TRAPPC9: variants seen among roughly 807,000 people sequenced by gnomAD.
TRAPPC9 encodes trafficking protein particle complex subunit 9, also known as IKK2 binding protein.
Under a neutral mutation model 124.0 loss-of-function variants are expected in TRAPPC9, and 83 were observed. That is an observed-to-expected ratio of 0.67 (90% CI 0.56 to 0.80). The LOEUF is 0.80. Ranked by LOEUF, TRAPPC9 falls within the 30% of genes least tolerant of loss-of-function variation. TRAPPC9 has a pLI of 0.00. For synonymous variants in TRAPPC9, 638 were observed against 617.5 expected (o/e 1.03, Z -0.49); for missense variants, 1,302 against 1,508.3 (o/e 0.86, Z 2.27).
chr8:139,923,200 C>A (rs1832614351), intron 19 of TRAPPC9, among the ~76,000 whole-genome samples: 1 of 151,780 alleles, frequency 6.6e-6, no homozygotes, highest in African/African-American at 2.4e-5. Flanking sequence ...ATAATCATCT[C>A]CCCGCTAAGT....
At chr8:139,985,562 G>A (rs746551342) in intron 19 of TRAPPC9, among the ~76,000 whole-genome samples, 5 of 152,158 alleles carry the variant, frequency 3.3e-5, no homozygotes, top group African/African-American at 4.8e-5. Context: ...AGCCCCACGC[G>A]CATACCCACA....
chr8:139,737,130 G>A (rs1249949305), intron 21 of TRAPPC9, among the ~76,000 whole-genome samples: 1 of 152,220 alleles, frequency 6.6e-6, no homozygotes, highest in Non-Finnish European at 1.5e-5. Flanking sequence ...CCCCGTCTGT[G>A]GCCCGCGCAG....
At chr8:139,901,333 G>A (rs1831006749) in intron 20 of TRAPPC9, among the ~76,000 whole-genome samples, 1 of 152,246 alleles carries the variant, frequency 6.6e-6, no homozygotes, top group Admixed American at 6.5e-5. Flanking sequence ...TACACTAATG[G>A]AAAGACTGCT....
At position 139,792,406 on chromosome 8, in the gene TRAPPC9, G is replaced by A. The variant is rs557646032; in HGVS notation, c.3056-60204C>T. Among the ~76,000 whole-genome samples, 21 of 152,352 alleles carry A rather than the reference G, an allele frequency of 1.4e-4. No homozygotes were observed. In the East Asian group the frequency reaches 1.7e-3, roughly 13 times the overall value. On this transcript the variant is annotated intron_variant, in intron 21 of 22. Transcript: ENST00000438773. ...AAAGAGCAGTCTGTGTGTGCCACAC[G>A]CGTGTGCGCGTGTGTGCGTGGGCCT...
chr8:140,236,079 C>CT (rs765201850), intron 16 of TRAPPC9, among the ~76,000 whole-genome samples: 8,379 of 111,672 alleles, frequency 0.075, 404 homozygotes, highest in African/African-American at 0.13. Context: ...ACTGTATTTC[C>CT]TTTTTTTTTT....
chr8:140,443,739 A>G (rs1232493160), intron 2 of TRAPPC9, among the ~76,000 whole-genome samples: 4 of 152,122 alleles, frequency 2.6e-5, no homozygotes, highest in Non-Finnish European at 4.4e-5. Flanking sequence ...TGTCTCTACT[A>G]AAAATACTAA....
rs182216572 is a variant in TRAPPC9, at chr8:139,856,414, T to G, written c.3055+29465A>C. On this transcript the variant is annotated intron_variant, in intron 21 of 22. Transcript: ENST00000438773. ...CAGACAGCCCTGCGGCGGCTCCCCT[T>G]CCTCTACTGCCCTCCCCCTCTGGGA... is the stretch of plus-strand genomic sequence containing the variant. Among the ~76,000 whole-genome samples, 766 of 152,160 alleles carry G rather than the reference T, an allele frequency of 5.0e-3. 10 individuals carry two copies. The highest frequency in any genetic ancestry group is 0.018 in the African/African-American group (747 of 41,530).
At chr8:139,747,015 G>A (rs1818942684) in intron 21 of TRAPPC9, among the ~76,000 whole-genome samples, 1 of 152,232 alleles carries the variant, frequency 6.6e-6, no homozygotes, top group Admixed American at 6.5e-5. Flanking sequence ...GGAAAAAAAT[G>A]GAAAATATGC....
intron 10 of TRAPPC9, among the ~76,000 whole-genome samples, chr8:140,302,210 G>C (rs956266414): frequency 6.6e-6 from 1 of 152,104 alleles, no homozygotes; most frequent in African/African-American, 2.4e-5. Context: ...TGCCACATGC[G>C]TGGTTCTCAC....
At position 140,023,937 on chromosome 8, in the gene TRAPPC9, C is replaced by A. The variant is rs1470037371; in HGVS notation, c.2699G>T (p.Ser900Ile). The A allele has an allele frequency of 6.2e-7, 1 of 1,613,884 alleles. No individual in the cohort carries two copies. Among genetic ancestry groups the A allele is most frequent in the East Asian group, 2.2e-5 (1 of 44,884 alleles). Residue 900 changes from serine (S) to isoleucine (I), a missense_variant and splice_region_variant, in exon 18 of 23, where the codon AGT (serine) becomes ATT (isoleucine). By Grantham distance (142) the Ser-to-Ile change is moderately radical. This residue lies in a region of TRAPPC9 where 640 missense variants were observed against 679.3 expected (regional missense o/e 0.94). Transcript: ENST00000438773. Reference protein sequence around the residue: ...FTRVSTLPATSTRQCHLLLDV... With the variant: ...FTRVSTLPATITRQCHLLLDV... Reference sequence around the variant, plus strand: ...GGCTGTGCGGCAGGAAGACATTTACCTGGTTGCTGGGAGGGTGCTGACTCG... The same window carrying A: ...GGCTGTGCGGCAGGAAGACATTTACATGGTTGCTGGGAGGGTGCTGACTCG...
At chr8:140,247,195 CT>C (rs1244766149) in intron 16 of TRAPPC9, among the ~76,000 whole-genome samples, 1 of 152,198 alleles carries the variant, frequency 6.6e-6, no homozygotes, top group African/African-American at 2.4e-5. Flanking sequence ...CTGTGCTTCC[CT>C]AGTAGAATCC....
chr8:140,449,185 C>T (rs939519045), intron 2 of TRAPPC9, among the ~76,000 whole-genome samples: 2 of 152,188 alleles, frequency 1.3e-5, no homozygotes, highest in Non-Finnish European at 2.9e-5. Flanking sequence ...CAGAACGACA[C>T]CGTGTGACCT....
At chr8:139,895,534 T>C (rs781748363) in intron 20 of TRAPPC9, among the ~76,000 whole-genome samples, 3 of 152,202 alleles carry the variant, frequency 2.0e-5, no homozygotes, top group Non-Finnish European at 4.4e-5. Context: ...AAAACGATTT[T>C]GAACCATGTG....
At chr8:139,941,708 A>G (rs1833933135) in intron 19 of TRAPPC9, among the ~76,000 whole-genome samples, 1 of 152,204 alleles carries the variant, frequency 6.6e-6, no homozygotes, top group South Asian at 2.1e-4. Flanking sequence ...CAGTGCTCCC[A>G]AACACGACAA....
Position 139,835,918 on chromosome 8 carries a change from T to C in TRAPPC9, c.3055+49961A>G, listed in dbSNP as rs534733098. ...GCTTGCCAGCTGTTTGGACAGGTTA[T>C]ATATATCTATATCTACCTACCCATC... On this transcript the variant is annotated intron_variant, in intron 21 of 22. Coordinates refer to ENST00000438773, the MANE Select transcript of TRAPPC9 (RefSeq NM_001160372.4). Among the ~76,000 whole-genome samples the C allele has an allele frequency of 8.9e-4, 135 of 152,330 alleles. 1 individual carries two copies. Among genetic ancestry groups the C allele is most frequent in the Non-Finnish European group, 1.5e-3 (99 of 68,026 alleles).
Position 140,323,922 on chromosome 8 carries a change from G to A in TRAPPC9, c.1496-12548C>T, listed in dbSNP as rs145703601. Among the ~76,000 whole-genome samples the A allele has an allele frequency of 5.1e-3, 778 of 152,054 alleles. 7 individuals are homozygous for A. The highest frequency in any genetic ancestry group is 0.018 in the African/African-American group (731 of 41,452). ...TTTTTTTTTATTTGCATAGGTTTTC[G>A]GGGAACAGGTGGTGTTTGGTTACAT... On this transcript the variant is annotated intron_variant, in intron 9 of 22. Transcript: ENST00000438773.
intron 16 of TRAPPC9, among the ~76,000 whole-genome samples, chr8:140,229,169 A>G (rs1486187379): frequency 6.6e-6 from 1 of 152,094 alleles, no homozygotes; most frequent in Non-Finnish European, 1.5e-5. Flanking sequence ...AAGATGTAGA[A>G]AAGAATGGGA....
At chr8:140,192,160 G>A (rs954221219) in intron 17 of TRAPPC9, among the ~76,000 whole-genome samples, 1 of 152,192 alleles carries the variant, frequency 6.6e-6, no homozygotes, top group Non-Finnish European at 1.5e-5. Context: ...TTCAACACAG[G>A]TTCCCTGAAC....
chr8:140,351,559 A>G (rs764356678), intron 9 of TRAPPC9, among the ~76,000 whole-genome samples: 8 of 152,180 alleles, frequency 5.3e-5, no homozygotes, highest in Non-Finnish European at 7.3e-5. Flanking sequence ...GCTTCAGCCC[A>G]AGAGGACAAG....
Sources: gnomAD v4.1 joint callset for allele counts (sites outside exome capture counted in the v4.1 genomes callset) on GRCh38, gnomAD v4.1.1 for gene constraint, gnomAD v4.1.1 regional missense constraint, MANE v1.5 for transcripts, NCBI Gene and HGNC (gene_info 2026-07-23, HGNC 2026-07-21) for gene names.